The following CSMD1 variants were observed in gnomAD, a reference collection of about 807,000 sequenced individuals.
The protein encoded by CSMD1 is CUB and sushi domain-containing protein 1.
A neutral mutation model predicts 417.5 loss-of-function variants in CSMD1; 213 were observed. The observed-to-expected ratio is 0.51, with a 90% CI of 0.46 to 0.57. CSMD1 has a LOEUF of 0.57. CSMD1 is among the 20% of genes least tolerant of loss of function. The pLI is 0.00. For synonymous variants in CSMD1, 2,862 were observed against 1,736.8 expected (o/e 1.65, Z -16.11); for missense variants, 6,923 against 4,529.7 (o/e 1.53, Z -15.17).
chr8:3,308,446 C>G lies in CSMD1; in HGVS notation c.3689G>C (p.Arg1230Pro). Reference sequence around the variant, plus strand: ...AGTGTCGGTAAAGTGGCCTTCATCACGGATCCTATAGCCGTAGTTAGGGAT... The same window carrying G: ...AGTGTCGGTAAAGTGGCCTTCATCAGGGATCCTATAGCCGTAGTTAGGGAT... ...PGIPNYGYRI[R>P]DEGHFTDTVV... The change falls in exon 24 of 70, where the codon CGT becomes CCT. Residue 1230 changes from arginine to proline, a missense_variant. Coordinates refer to ENST00000635120, the MANE Select transcript of CSMD1 (RefSeq NM_033225.6). 1 of 1,613,788 alleles carries G rather than the reference C, an allele frequency of 6.2e-7. No individual in the cohort carries two copies. The highest frequency in any genetic ancestry group is 1.1e-5 in the South Asian group (1 of 91,044).
intron 44 of CSMD1, among the ~76,000 whole-genome samples, chr8:3,108,246 G>A (rs1171777897): frequency 6.6e-6 from 1 of 152,080 alleles, no homozygotes; most frequent in South Asian, 2.1e-4. Flanking sequence ...CAGGATTATT[G>A]GAGGTTTGCT....
intron 1 of CSMD1, among the ~76,000 whole-genome samples, chr8:4,905,968 T>C (rs1341990238): frequency 6.6e-6 from 1 of 152,202 alleles, no homozygotes; most frequent in Non-Finnish European, 1.5e-5. Flanking sequence ...TCTTCCTGCC[T>C]TCAAATACTT....
intron 5 of CSMD1, among the ~76,000 whole-genome samples, chr8:3,981,013 G>T (rs983256572): frequency 1.3e-5 from 2 of 152,148 alleles, no homozygotes; most frequent in African/African-American, 4.8e-5. Context: ...GGTTCTTCAA[G>T]GTTCAACTAT....
chr8:3,316,124 C>G (rs1035376026), intron 23 of CSMD1, among the ~76,000 whole-genome samples: 3 of 152,122 alleles, frequency 2.0e-5, no homozygotes, highest in African/African-American at 7.2e-5. Context: ...CATGGATGAA[C>G]TGAAATAATT....
intron 2 of CSMD1, among the ~76,000 whole-genome samples, chr8:4,550,107 A>G (rs1797805431): frequency 6.6e-6 from 1 of 151,646 alleles, no homozygotes; most frequent in Admixed American, 6.6e-5. Flanking sequence ...CTCGGTAGAA[A>G]CGGACTTTTC....
chr8:4,320,993 A>AG (rs1186507902), intron 3 of CSMD1, among the ~76,000 whole-genome samples: 8 of 152,006 alleles, frequency 5.3e-5, no homozygotes, highest in African/African-American at 1.9e-4. Flanking sequence ...TCCTTATACC[A>AG]GTTTCTCTGT....
At chr8:3,248,817 C>T (rs2117018455) in intron 26 of CSMD1, among the ~76,000 whole-genome samples, 1 of 152,198 alleles carries the variant, frequency 6.6e-6, no homozygotes, top group East Asian at 1.9e-4. Context: ...GTTCACTTGG[C>T]TAAATTCTAC....
intron 1 of CSMD1, among the ~76,000 whole-genome samples, chr8:4,778,867 T>C (rs1797007345): frequency 1.3e-5 from 2 of 152,230 alleles, no homozygotes; most frequent in African/African-American, 2.4e-5. Context: ...AGAACTGCTA[T>C]ACAATGTAGT....
At chr8:4,633,340 C>G (rs1240976440) in intron 2 of CSMD1, among the ~76,000 whole-genome samples, 4 of 149,784 alleles carry the variant, frequency 2.7e-5, no homozygotes, top group South Asian at 2.1e-4. Context: ...TCCGCCTCCC[C>G]AGTTCACACC....
At chr8:4,283,560 A>G (rs1796902273) in intron 3 of CSMD1, among the ~76,000 whole-genome samples, 1 of 152,222 alleles carries the variant, frequency 6.6e-6, no homozygotes, top group Non-Finnish European at 1.5e-5. Flanking sequence ...TATATGTCGT[A>G]TAGTTAAAAG....
chr8:4,399,317 A>C (rs1804487023), intron 3 of CSMD1, among the ~76,000 whole-genome samples: 1 of 152,216 alleles, frequency 6.6e-6, no homozygotes. Context: ...CTACATGTGA[A>C]AACAATTTAA....
intron 18 of CSMD1, among the ~76,000 whole-genome samples, chr8:3,372,809 T>A (rs1056912483): frequency 2.0e-5 from 3 of 152,072 alleles, no homozygotes; most frequent in African/African-American, 7.2e-5. Context: ...GAGCAAGGGA[T>A]AGAAGGGAGA....
chr8:3,780,916 T>C (rs933018639), intron 5 of CSMD1, among the ~76,000 whole-genome samples: 1 of 152,328 alleles, frequency 6.6e-6, no homozygotes, highest in South Asian at 2.1e-4. Context: ...AGAATTTAGG[T>C]AAGACCATGG....
At chr8:4,655,051 T>G (rs1804141001) in intron 1 of CSMD1, among the ~76,000 whole-genome samples, 1 of 150,422 alleles carries the variant, frequency 6.6e-6, no homozygotes, top group Admixed American at 6.6e-5. Flanking sequence ...AAAAAAAAGC[T>G]TAAATCTTTG....
chr8:4,353,742 G>A (rs1474214466), intron 3 of CSMD1, among the ~76,000 whole-genome samples: 2 of 141,060 alleles, frequency 1.4e-5, no homozygotes, highest in African/African-American at 5.3e-5. Flanking sequence ...GGGGTTCATG[G>A]AGATTTCTTT....
In CSMD1 at chr8:3,089,294, T is replaced by C. The variant is rs112189815; in HGVS notation, c.7286-2009A>G. Among the ~76,000 whole-genome samples, 35 of 152,352 alleles carry C rather than the reference T, an allele frequency of 2.3e-4. 2 individuals are homozygous for C. The highest frequency in any genetic ancestry group is 7.9e-4 in the African/African-American group (33 of 41,582). On this transcript the variant is annotated intron_variant, in intron 48 of 69. Transcript: ENST00000635120. The stretch of plus-strand genomic sequence containing the variant: ...GGATATTCTGGAATTTCGGTGTGAA[T>C]GCCAAACCAGTCTGTACTTTCAACC...
chr8:3,781,026 G>A (rs1455425626), intron 5 of CSMD1, among the ~76,000 whole-genome samples: 3 of 152,116 alleles, frequency 2.0e-5, no homozygotes, highest in Non-Finnish European at 4.4e-5. Flanking sequence ...GTATTTCGTA[G>A]GGGAAACTGA....
At chr8:4,167,998 A>T (rs1049657761) in intron 3 of CSMD1, among the ~76,000 whole-genome samples, 3 of 151,986 alleles carry the variant, frequency 2.0e-5, no homozygotes, top group African/African-American at 7.3e-5. Context: ...GCGTGGTGGC[A>T]GACTCCTGTA....
chr8:3,988,213 C>T (rs1230745338), intron 5 of CSMD1, among the ~76,000 whole-genome samples: 1 of 152,056 alleles, frequency 6.6e-6, no homozygotes, highest in Non-Finnish European at 1.5e-5. Context: ...TCTGTGAATC[C>T]TAAATCTGAA....
Sources: gnomAD v4.1 joint callset for allele counts (sites outside exome capture counted in the v4.1 genomes callset) on GRCh38, gnomAD v4.1.1 for gene constraint, MANE v1.5 for transcripts, NCBI Gene and HGNC (gene_info 2026-07-23, HGNC 2026-07-21) for gene names.